The following SELP variants were observed in gnomAD, a reference collection of about 807,000 sequenced individuals.
SELP encodes the protein P-selectin.
SELP carries 92 observed loss-of-function variants against 104.1 expected under a neutral mutation model. The observed-to-expected ratio is 0.88, with a 90% CI of 0.75 to 1.05. The LOEUF is 1.05. Ranked by LOEUF, SELP falls within the 50% of genes least tolerant of loss-of-function variation. SELP has a pLI of 0.00. For synonymous variants in SELP, 397 were observed against 364.5 expected (o/e 1.09, Z -1.01); for missense variants, 1,022 against 1,017.3 (o/e 1.00, Z -0.06).
In SELP at chr1:169,617,169, C is replaced by T; in HGVS notation, c.340G>A (p.Ala114Thr). Residue 114 changes from alanine (A) to threonine (T), a missense_variant, in exon 3 of 17, where the codon GCT (alanine) becomes ACT (threonine). Coordinates refer to ENST00000263686, the MANE Select transcript of SELP (RefSeq NM_003005.4). The stretch of plus-strand genomic sequence containing the variant: ...GGTTCATTATCAGCCCAGTTCTCAG[C>T]CTCGTTGGTGAGAGCCTTTTTGGTT... ...VGTKKALTNE[A>T]ENWADNEPNN... 6.2e-7 allele frequency: 1 copy of T among 1,614,114 alleles called. No individual in the cohort carries two copies. Among genetic ancestry groups the T allele is most frequent in the Non-Finnish European group, 8.5e-7 (1 of 1,180,026 alleles).
chr1:169,619,276 A>G, intron 1 of SELP, 57 bp from the exon 2 acceptor site: 1 of 1,221,900 alleles, frequency 8.2e-7, no homozygotes, highest in Non-Finnish European at 1.2e-6. Context: ...ACATGGCCAA[A>G]AATAATTCTA....
intron 8 of SELP, among the ~76,000 whole-genome samples, chr1:169,607,563 T>C (rs1219058509): frequency 6.6e-6 from 1 of 152,160 alleles, no homozygotes; most frequent in Non-Finnish European, 1.5e-5. Context: ...AAATAATATA[T>C]TTTAACTTGT....
chr1:169,593,833 G>A, intron 13 of SELP, 109 bp from the exon 14 acceptor site: 7 of 1,122,414 alleles, frequency 6.2e-6, no homozygotes, highest in African/African-American at 3.1e-5. Context: ...CGATCAAGTA[G>A]GATCACCAAA....
chr1:169,610,270 C>G (rs939528422), intron 7 of SELP, among the ~76,000 whole-genome samples: 2 of 151,918 alleles, frequency 1.3e-5, no homozygotes, highest in African/African-American at 4.8e-5. Context: ...GTCTCTAGAA[C>G]ACAGGATGTC....
intron 13 of SELP, 136 bp from the exon 14 acceptor site, chr1:169,593,860 A>G (rs1571619833): frequency 1.3e-6 from 1 of 762,796 alleles, no homozygotes; most frequent in Non-Finnish European, 2.0e-6. Flanking sequence ...GGGAATGCTG[A>G]CAAGCTAACA....
rs905194570 is a variant in SELP at position 169,611,436 on chromosome 1, T to C, written c.1147+56A>G. The C allele has an allele frequency of 2.5e-6, 4 of 1,574,158 alleles. No homozygotes were observed. In the African/African-American group the frequency reaches 5.4e-5, roughly 21 times the overall value. On this transcript the variant is annotated intron_variant, in intron 7 of 16. Transcript: ENST00000263686. ...CGACACTGAGAGCCCTTGGCCTCTCTACCATGCCATGATTCCTTCTTGGAC... is the reference window on the plus strand; with the variant it reads ...CGACACTGAGAGCCCTTGGCCTCTCCACCATGCCATGATTCCTTCTTGGAC...
intron 14 of SELP, 55 bp downstream of exon 14, chr1:169,593,549 CA>C: frequency 6.5e-7 from 1 of 1,536,886 alleles, no homozygotes; most frequent in South Asian, 1.2e-5. Flanking sequence ...TTACATAAAT[CA>C]ATTTCTTTTG....
chr1:169,619,256 T>A (rs745822733), intron 1 of SELP, 37 bp from the exon 2 acceptor site: 1 of 1,478,382 alleles, frequency 6.8e-7, no homozygotes, highest in Non-Finnish European at 9.5e-7. Context: ...TTAGTATCCA[T>A]ACACCACCAA....
At chr1:169,599,513 T>C (rs947759487) in intron 10 of SELP, among the ~76,000 whole-genome samples, 9 of 152,216 alleles carry the variant, frequency 5.9e-5, no homozygotes, top group African/African-American at 2.2e-4. Context: ...CAAGAAAGTA[T>C]ACATGATTGC....
intron 11 of SELP, 103 bp downstream of exon 11, chr1:169,596,888 A>G (rs763390991): frequency 4.6e-5 from 45 of 985,684 alleles, no homozygotes; most frequent in Non-Finnish European, 6.1e-5. Flanking sequence ...AATAATGGTA[A>G]TATATACAAT....
intron 1 of SELP, among the ~76,000 whole-genome samples, chr1:169,628,761 G>A (rs975174442): frequency 6.6e-6 from 1 of 152,184 alleles, no homozygotes; most frequent in South Asian, 2.1e-4. Context: ...AAGGAAGAGA[G>A]GAATAACTGC....
At chr1:169,604,043 T>C (rs1233739449) in intron 9 of SELP, among the ~76,000 whole-genome samples, 1 of 152,220 alleles carries the variant, frequency 6.6e-6, no homozygotes, top group Non-Finnish European at 1.5e-5. Flanking sequence ...TCCACCATGG[T>C]TGAACTAGTT....
chr1:169,607,844 G>T (rs1305265402), intron 8 of SELP, among the ~76,000 whole-genome samples: 1 of 152,130 alleles, frequency 6.6e-6, no homozygotes, highest in Non-Finnish European at 1.5e-5. Flanking sequence ...TATCATTAAG[G>T]CTTTGCGTCA....
chr1:169,591,572 C>A (rs1661358167), intron 14 of SELP, 116 bp from the exon 15 acceptor site: 1 of 633,878 alleles, frequency 1.6e-6, no homozygotes, highest in East Asian at 3.0e-5. Flanking sequence ...TTCAGGAGGG[C>A]TCATTATAAG....
At chr1:169,608,017 C>T (rs1382135846) in intron 8 of SELP, among the ~76,000 whole-genome samples, 2 of 152,050 alleles carry the variant, frequency 1.3e-5, no homozygotes, top group Admixed American at 6.5e-5. Context: ...CCTTATGATC[C>T]GTTTTAAGTG....
intron 1 of SELP, among the ~76,000 whole-genome samples, chr1:169,621,428 TTGTGTGTG>T (rs57079522): frequency 0.16 from 20,400 of 130,530 alleles, 1,920 homozygotes; most frequent in African/African-American, 0.28. Flanking sequence ...CAGTGTGAGG[TTGTGTGTG>T]TGTGTGTGTG....
rs778228424 is a variant in SELP at position 169,612,294 on chromosome 1, C to G, written c.884G>C (p.Gly295Ala). The change falls in exon 6 of 17, where the codon GGA becomes GCA. Residue 295 changes from glycine (G) to alanine (A), a missense_variant. Coordinates refer to ENST00000263686, the MANE Select transcript of SELP (RefSeq NM_003005.4). Reference protein sequence around the residue: ...QSSCSFSCEEGFALVGPEVVQ... With the variant: ...QSSCSFSCEEAFALVGPEVVQ... ...CACTTCCGGTCCAACTAATGCAAAT[C>G]CCTCTTCACAACTGAAGCTGCAGCT... 2 of 1,614,142 alleles carry G rather than the reference C, an allele frequency of 1.2e-6. No homozygotes were observed. The highest frequency in any genetic ancestry group is 3.3e-5 in the Admixed American group (2 of 60,024).
chr1:169,594,961 C>T (rs1312681680), intron 12 of SELP, 84 bp from the exon 13 acceptor site: 1 of 1,246,080 alleles, frequency 8.0e-7, no homozygotes, highest in Non-Finnish European at 1.1e-6. Context: ...CCTAACATTG[C>T]CAATAAATGA....
chr1:169,611,687 A>C lies in SELP; in HGVS notation c.962-10T>G. 1 of 1,611,264 alleles carries C rather than the reference A, an allele frequency of 6.2e-7. No homozygotes were observed. The highest frequency in any genetic ancestry group is 8.5e-7 in the Non-Finnish European group (1 of 1,178,490). ...TGCTGACACTGCACAGCTGGAGAGA[A>C]TAACCAAGGATAAAGAGAAAGATAC... On this transcript the variant is annotated splice_polypyrimidine_tract_variant and intron_variant, in intron 6 of 16. Coordinates refer to ENST00000263686, the MANE Select transcript of SELP (RefSeq NM_003005.4).
Sources: allele counts gnomAD v4.1 joint callset (sites outside exome capture counted in the v4.1 genomes callset), GRCh38; gene constraint gnomAD v4.1.1; transcripts MANE v1.5; gene names NCBI Gene and HGNC (gene_info 2026-07-23, HGNC 2026-07-21).